Variants in MAGI2 observed in about 807,000 individuals in gnomAD.
MAGI2 encodes the protein membrane-associated guanylate kinase, WW and PDZ domain-containing protein 2.
A neutral mutation model predicts 133.3 loss-of-function variants in MAGI2; 35 were observed. That is an observed-to-expected ratio of 0.26 (90% CI 0.20 to 0.35). The LOEUF (loss-of-function observed/expected upper bound fraction) is 0.35. Among genes scored for constraint, MAGI2 ranks in the 10% least tolerant of loss-of-function variants. The probability of loss-of-function intolerance (pLI) is 1.00; values close to 1 mark genes in which losing one functional copy is unlikely to be tolerated. For missense variants in MAGI2, 1,636 were observed against 1,863.4 expected, an observed-to-expected ratio of 0.88 and a Z score of 2.25; for synonymous variants, 729 against 710.6, an observed-to-expected ratio of 1.03 and a Z score of -0.41.
chr7:78,971,480 A>G (rs1803778639), intron 2 of MAGI2, among the ~76,000 whole-genome samples: 1 of 152,062 alleles, frequency 6.6e-6, no homozygotes, highest in South Asian at 2.1e-4. Flanking sequence ...ATATTCATTT[A>G]GGGTAAAGGT....
At chr7:79,029,443 C>A (rs953779030) in intron 1 of MAGI2, among the ~76,000 whole-genome samples, 1 of 152,014 alleles carries the variant, frequency 6.6e-6, no homozygotes, top group African/African-American at 2.4e-5. Context: ...CCCCCCAAAC[C>A]CAACCTGTAA....
At chr7:78,519,277 A>C (rs1796298761) in intron 4 of MAGI2, among the ~76,000 whole-genome samples, 1 of 152,154 alleles carries the variant, frequency 6.6e-6, no homozygotes, top group Non-Finnish European at 1.5e-5. Flanking sequence ...GGGATTGTCA[A>C]AGGACTTCTA....
intron 2 of MAGI2, among the ~76,000 whole-genome samples, chr7:78,956,356 C>T (rs955011067): frequency 3.3e-5 from 5 of 152,104 alleles, no homozygotes; most frequent in Non-Finnish European, 5.9e-5. Context: ...ATCCATGCTG[C>T]CTGATTCTCT....
intron 1 of MAGI2, among the ~76,000 whole-genome samples, chr7:79,270,656 C>T (rs1319786114): frequency 6.6e-6 from 1 of 152,030 alleles, no homozygotes; most frequent in Middle Eastern, 3.2e-3. Flanking sequence ...TTATTTGATA[C>T]TCATCAGTGA....
chr7:78,291,781 T>C (rs1312951149), intron 9 of MAGI2, among the ~76,000 whole-genome samples: 1 of 152,100 alleles, frequency 6.6e-6, no homozygotes, highest in African/African-American at 2.4e-5. Context: ...GTTCAACATA[T>C]GCAAATCAAT....
rs539033935 is a variant in MAGI2, at chr7:79,239,194, G to A, written c.301+213826C>T. Among the ~76,000 whole-genome samples, 13 of 152,182 alleles carry A rather than the reference G, an allele frequency of 8.5e-5. 1 individual carries two copies. The South Asian group carries it at 2.7e-3, about 32-fold the overall frequency. ...TAATGTATTAATTAATTGTATTAAT[G>A]GGTGGTGAGTCTACTAGTAGTTACT... On this transcript the variant is annotated intron_variant, in intron 1 of 21. Coordinates refer to ENST00000354212, the MANE Select transcript of MAGI2 (RefSeq NM_012301.4).
At chr7:79,193,790 T>G (rs1258491999) in intron 1 of MAGI2, among the ~76,000 whole-genome samples, 2 of 151,804 alleles carry the variant, frequency 1.3e-5, no homozygotes, top group Non-Finnish European at 2.9e-5. Flanking sequence ...AATGGCTGCA[T>G]TTTTTAGAGT....
At chr7:78,071,602 T>G (rs11505717) in intron 21 of MAGI2, among the ~76,000 whole-genome samples, 106,755 of 152,054 alleles carry the variant, frequency 0.7, 37,615 homozygotes, top group East Asian at 0.88. Flanking sequence ...TTTACTGCAG[T>G]TTTTATGGTT....
intron 3 of MAGI2, among the ~76,000 whole-genome samples, chr7:78,536,534 C>G (rs969480242): frequency 6.6e-6 from 1 of 152,122 alleles, no homozygotes; most frequent in East Asian, 1.9e-4. Flanking sequence ...ATGGAGACAA[C>G]GATGGTACCA....
At chr7:78,672,611 T>A (rs772919860) in intron 2 of MAGI2, among the ~76,000 whole-genome samples, 10 of 152,180 alleles carry the variant, frequency 6.6e-5, no homozygotes, top group Non-Finnish European at 1.3e-4. Flanking sequence ...TGATTGATGA[T>A]CTCCACAGTT....
chr7:78,308,480 T>C (rs1798423019), intron 9 of MAGI2, among the ~76,000 whole-genome samples: 1 of 152,102 alleles, frequency 6.6e-6, no homozygotes, highest in Non-Finnish European at 1.5e-5. Context: ...AGAATACATA[T>C]AATCTTTAAG....
chr7:78,096,414 G>C (rs1817695237), intron 20 of MAGI2, among the ~76,000 whole-genome samples: 1 of 152,220 alleles, frequency 6.6e-6, no homozygotes, highest in African/African-American at 2.4e-5. Context: ...CCTTAGCACA[G>C]TGCCTGACAC....
At chr7:79,092,135 C>T (rs555586521) in intron 1 of MAGI2, among the ~76,000 whole-genome samples, 1 of 152,146 alleles carries the variant, frequency 6.6e-6, no homozygotes, top group South Asian at 2.1e-4. Flanking sequence ...TTGCATTTCT[C>T]TCAGTAATAA....
At chr7:79,118,272 T>A (rs536750235) in intron 1 of MAGI2, among the ~76,000 whole-genome samples, 21 of 152,308 alleles carry the variant, frequency 1.4e-4, no homozygotes, top group African/African-American at 5.0e-4. Context: ...GTGTACACTT[T>A]ATGGTCACCT....
chr7:78,949,633 T>C (rs1029817344), intron 2 of MAGI2, among the ~76,000 whole-genome samples: 1 of 152,160 alleles, frequency 6.6e-6, no homozygotes, highest in Non-Finnish European at 1.5e-5. Flanking sequence ...ATTATCAAAG[T>C]TTTTATGTTG....
intron 2 of MAGI2, among the ~76,000 whole-genome samples, chr7:78,891,336 C>A (rs1796730471): frequency 6.6e-6 from 1 of 152,138 alleles, no homozygotes; most frequent in South Asian, 2.1e-4. Flanking sequence ...TGAAACTATT[C>A]CAATCAATAG....
Position 78,429,657 on chromosome 7 carries a change from C to G in MAGI2, c.1045+60104G>C, listed in dbSNP as rs149391973. Among the ~76,000 whole-genome samples, 753 of 151,512 alleles carry G rather than the reference C, an allele frequency of 5.0e-3. 6 individuals carry two copies. The highest frequency in any genetic ancestry group is 0.017 in the African/African-American group (709 of 41,408). ...AATGCCATTATTCAAGACGTTTTTTCGAAAGGCACAAAAAAGAAGGCTTTT... is the reference window on the plus strand; with the variant it reads ...AATGCCATTATTCAAGACGTTTTTTGGAAAGGCACAAAAAAGAAGGCTTTT... On this transcript the variant is annotated intron_variant, in intron 6 of 21. Coordinates refer to ENST00000354212, the MANE Select transcript of MAGI2 (RefSeq NM_012301.4).
At chr7:78,453,571 A>G (rs749126215) in intron 6 of MAGI2, among the ~76,000 whole-genome samples, 1 of 152,108 alleles carries the variant, frequency 6.6e-6, no homozygotes, top group African/African-American at 2.4e-5. Flanking sequence ...ACTTGCCCAA[A>G]TGTCACTTCA....
intron 1 of MAGI2, among the ~76,000 whole-genome samples, chr7:79,232,743 A>G (rs1831489414): frequency 8.0e-6 from 1 of 125,434 alleles, no homozygotes; most frequent in Non-Finnish European, 1.6e-5. Flanking sequence ...TCAAAAAACC[A>G]GCTCCTGGAT....
Sources: allele counts gnomAD v4.1 joint callset (sites outside exome capture counted in the v4.1 genomes callset), GRCh38; gene constraint gnomAD v4.1.1; transcripts MANE v1.5; gene names NCBI Gene and HGNC (gene_info 2026-07-23, HGNC 2026-07-21).